The following MAD1L1 variants were observed in gnomAD, a reference collection of about 807,000 sequenced individuals.
MAD1L1 encodes the protein mitotic arrest deficient 1 like 1, also known as mitotic spindle assembly checkpoint protein MAD1.
Under a neutral mutation model 96.9 loss-of-function variants are expected in MAD1L1, and 95 were observed. That is an observed-to-expected ratio of 0.98 (90% confidence interval 0.83 to 1.16). The LOEUF is 1.16. MAD1L1 is among the 50% of genes most tolerant of loss of function. MAD1L1 has a pLI of 0.00. For missense variants in MAD1L1, 1,007 were observed against 954.4 expected (o/e 1.06, Z -0.73); for synonymous variants, 473 against 396.6 (o/e 1.19, Z -2.29).
At chr7:2,222,474 A>C (rs1414807921) in intron 5 of MAD1L1, 101 bp downstream of exon 5, 3 of 1,032,568 alleles carry the variant, frequency 2.9e-6, no homozygotes, top group Non-Finnish European at 2.7e-6. Context: ...CCGTGTGGGA[A>C]GCACAAGTGA....
chr7:1,978,670 G>A (rs1218492645), intron 15 of MAD1L1, among the ~76,000 whole-genome samples: 7 of 151,982 alleles, frequency 4.6e-5, no homozygotes, highest in Non-Finnish European at 7.4e-5. Context: ...ACACGCAGAC[G>A]CACTTCCAGG....
rs890421218 is a variant in MAD1L1, at chr7:2,221,140, C to T, written c.471+1435G>A. ...CAGCACCTGCAGCGCCACCATCTTCCCCTCACTATGCCCCACCCCACCGGG... is the reference window on the plus strand; with the variant it reads ...CAGCACCTGCAGCGCCACCATCTTCTCCTCACTATGCCCCACCCCACCGGG... On this transcript the variant is annotated intron_variant, in intron 5 of 18. Transcript: ENST00000265854. 113 of 922,520 alleles carry T rather than the reference C, an allele frequency of 1.2e-4. 2 individuals are homozygous for T. The highest frequency in any genetic ancestry group is 1.2e-3 in the South Asian group (73 of 61,528). The allele number at this position is 922,520 out of a possible 1,614,324, so 57.1% of individuals were successfully genotyped here.
At chr7:1,825,563 G>A (rs1562429300) in intron 18 of MAD1L1, among the ~76,000 whole-genome samples, 1 of 152,254 alleles carries the variant, frequency 6.6e-6, no homozygotes, top group Non-Finnish European at 1.5e-5. Context: ...AGCGGCCAGG[G>A]CACCCAGGTT....
intron 18 of MAD1L1, among the ~76,000 whole-genome samples, chr7:1,892,074 C>T (rs1786578594): frequency 6.6e-6 from 1 of 152,224 alleles, no homozygotes; most frequent in South Asian, 2.1e-4. Context: ...TACGCAGGTG[C>T]ACCGTCTTCC....
rs1424248925 is a variant in MAD1L1 at position 2,165,552 on chromosome 7, A to G, written c.987-16314T>C. ...CACCCTCTGCAGAGCGGGAAGAAGC[A>G]GCCGTGCACAGCAGGGAGCTGAAAT... On this transcript the variant is annotated intron_variant, in intron 10 of 18. Transcript: ENST00000265854. 2.9e-5 allele frequency among the ~76,000 whole-genome samples: 3 copies of G among 103,102 alleles called. No individual in the cohort carries two copies. The Admixed American group carries it at 3.0e-4, about 10-fold the overall frequency. 67.6% of individuals were successfully genotyped at this position (103,102 alleles called of 152,430 possible).
At chr7:2,149,051 G>C (rs1302897054) in intron 11 of MAD1L1, 101 bp downstream of exon 11, 1 of 1,012,206 alleles carries the variant, frequency 9.9e-7, no homozygotes, top group East Asian at 2.5e-5. Flanking sequence ...ACATGATGAA[G>C]GACAGCCATC....
At chr7:1,866,196 G>A (rs1448723813) in intron 18 of MAD1L1, among the ~76,000 whole-genome samples, 1 of 152,194 alleles carries the variant, frequency 6.6e-6, no homozygotes, top group Non-Finnish European at 1.5e-5. Context: ...TGGGTTGGGA[G>A]TATAGGGCCT....
At chr7:2,049,705 C>A (rs1784081417) in intron 12 of MAD1L1, among the ~76,000 whole-genome samples, 1 of 152,228 alleles carries the variant, frequency 6.6e-6, no homozygotes, top group African/African-American at 2.4e-5. Context: ...AGACTCGCTT[C>A]ATCAGCACCA....
chr7:1,816,361 G>A (rs974761004), intron 18 of MAD1L1, 133 bp from the exon 19 acceptor site: 12 of 795,060 alleles, frequency 1.5e-5, no homozygotes, highest in Admixed American at 7.7e-5. Context: ...GGGTAGATGC[G>A]TCCTCAACCC....
At chr7:2,123,715 C>T (rs1284208930) in intron 11 of MAD1L1, among the ~76,000 whole-genome samples, 1 of 152,218 alleles carries the variant, frequency 6.6e-6, no homozygotes, top group Non-Finnish European at 1.5e-5. Flanking sequence ...GTGCACTTCG[C>T]AGGCGGCGCT....
At chr7:1,939,704 C>T (rs1049468359) in intron 16 of MAD1L1, among the ~76,000 whole-genome samples, 12 of 152,228 alleles carry the variant, frequency 7.9e-5, no homozygotes, top group African/African-American at 2.7e-4. Context: ...TTCAGATCAC[C>T]CCACGCTCTC....
intron 17 of MAD1L1, among the ~76,000 whole-genome samples, chr7:1,928,876 G>T (rs1280632156): frequency 1.3e-5 from 2 of 152,198 alleles, no homozygotes; most frequent in Non-Finnish European, 2.9e-5. Context: ...TTGTCCTGGT[G>T]GTCCACGGAG....
intron 11 of MAD1L1, among the ~76,000 whole-genome samples, chr7:2,135,735 GC>G (rs1788718519): frequency 6.6e-6 from 1 of 152,188 alleles, no homozygotes; most frequent in Admixed American, 6.5e-5. Context: ...TGGGAGTCCT[GC>G]CTGCCACCTC....
intron 16 of MAD1L1, among the ~76,000 whole-genome samples, chr7:1,950,509 C>T (rs761783010): frequency 5.3e-5 from 8 of 152,186 alleles, no homozygotes; most frequent in East Asian, 1.9e-4. Context: ...CTGCGGAGGG[C>T]GACTTGTAAA....
At position 2,216,157 on chromosome 7, in the gene MAD1L1, C is replaced by T. The variant is rs751773495; in HGVS notation, c.809G>A (p.Arg270Gln). Residue 270 changes from arginine (R) to glutamine (Q), a missense_variant and splice_region_variant, in exon 8 of 19, where the codon CGG (arginine) becomes CAG (glutamine). By Grantham distance (43) the Arg-to-Gln change is conservative. Transcript: ENST00000265854. ...KQLREESAHL[R>Q]EMRETNGLLQ... ...TGCCCCATCCCCCGCAACCCCTCAC[C>T]GCAGGTGCGCGCTCTCCTCCCGCAG... 7.4e-6 allele frequency: 12 copies of T among 1,612,302 alleles called. No homozygotes were observed. The highest frequency in any genetic ancestry group is 1.1e-5 in the South Asian group (1 of 90,936).
chr7:1,980,547 A>G lies in MAD1L1; in HGVS notation c.1417-6T>C. 6.2e-7 allele frequency: 1 copy of G among 1,608,374 alleles called. No homozygotes were observed. Among genetic ancestry groups the G allele is most frequent in the Non-Finnish European group, 8.5e-7 (1 of 1,177,548 alleles). On this transcript the variant is annotated splice_polypyrimidine_tract_variant and splice_region_variant and intron_variant, in intron 14 of 18. Transcript: ENST00000265854. ...ATCTTCAGCTCCATCTCCAGCTAGG[A>G]GAAAGCAAAGGATAGAGGGTCAGCA...
chr7:2,079,876 T>A (rs62444921), intron 11 of MAD1L1: 83 of 394,240 alleles, frequency 2.1e-4, no homozygotes, highest in Non-Finnish European at 3.5e-4. Context: ...CCCCATGCCC[T>A]CCAGCTCTGA....
chr7:2,007,838 G>A (rs1782103026), intron 13 of MAD1L1, among the ~76,000 whole-genome samples: 1 of 152,236 alleles, frequency 6.6e-6, no homozygotes, highest in Non-Finnish European at 1.5e-5. Flanking sequence ...TGGTCAGTGG[G>A]TGAACAGACG....
At chr7:2,111,800 A>G (rs7802380) in intron 11 of MAD1L1, among the ~76,000 whole-genome samples, 7,399 of 151,958 alleles carry the variant, frequency 0.049, 614 homozygotes, top group African/African-American at 0.17. Flanking sequence ...CACACACAGC[A>G]AACGCACACA....
Sources: allele counts gnomAD v4.1 joint callset (sites outside exome capture counted in the v4.1 genomes callset), GRCh38; gene constraint gnomAD v4.1.1; transcripts MANE v1.5; gene names NCBI Gene and HGNC (gene_info 2026-07-23, HGNC 2026-07-21).